Variants in CNTN5 observed in about 807,000 individuals in gnomAD.
CNTN5 encodes contactin-5.
Under a neutral mutation model 129.1 loss-of-function variants are expected in CNTN5, and 77 were observed. The observed-to-expected ratio is 0.60, with a 90% CI of 0.50 to 0.72. CNTN5 has a LOEUF of 0.72. Ranked by LOEUF, CNTN5 falls within the 30% of genes least tolerant of loss-of-function variation. The pLI, the probability that CNTN5 is intolerant of heterozygous loss-of-function variation, is 0.00. For synonymous variants in CNTN5, 509 were observed against 465.6 expected (o/e 1.09, Z -1.20); for missense variants, 1,478 against 1,328.8 (o/e 1.11, Z -1.75).
At chr11:99,137,796 A>G (rs1055317430) in intron 1 of CNTN5, among the ~76,000 whole-genome samples, 4 of 147,810 alleles carry the variant, frequency 2.7e-5, no homozygotes, top group African/African-American at 1.0e-4. Context: ...GAAACTTCAT[A>G]AGTATACATC....
At chr11:100,131,620 A>G (rs994655420) in intron 13 of CNTN5, among the ~76,000 whole-genome samples, 1 of 151,998 alleles carries the variant, frequency 6.6e-6, no homozygotes, top group Non-Finnish European at 1.5e-5. Flanking sequence ...AAGGGAACAA[A>G]GCCCACTGCC....
intron 1 of CNTN5, among the ~76,000 whole-genome samples, chr11:99,225,401 C>T (rs1195572296): frequency 1.3e-5 from 2 of 152,012 alleles, no homozygotes; most frequent in Non-Finnish European, 2.9e-5. Flanking sequence ...TCCTTATTGG[C>T]CTTTTTGTGT....
intron 1 of CNTN5, among the ~76,000 whole-genome samples, chr11:99,144,643 G>A (rs56101043): frequency 0.025 from 3,809 of 151,934 alleles, 59 homozygotes; most frequent in Middle Eastern, 0.044. Context: ...ATCTGACTAC[G>A]TTATTTCAAA....
At chr11:100,091,679 G>A (rs956436349) in intron 13 of CNTN5, among the ~76,000 whole-genome samples, 5 of 151,616 alleles carry the variant, frequency 3.3e-5, no homozygotes, top group Admixed American at 2.0e-4. Context: ...CACCCAACTC[G>A]GTCTACCAAA....
rs111410239 is a variant in CNTN5, at chr11:100,356,019, G to A, written c.3200-98G>A. The A allele has an allele frequency of 1.8e-4, 130 of 731,724 alleles. No individual in the cohort carries two copies. In the African/African-American group the frequency reaches 2.0e-3, roughly 11 times the overall value. 45.3% of individuals were successfully genotyped at this position (731,724 alleles called of 1,614,324 possible). A position where few individuals can be genotyped will look rare whatever the true frequency, so the allele number is the denominator to read the frequency against. On this transcript the variant is annotated intron_variant, in intron 24 of 24. Transcript: ENST00000524871. ...GAACACTCTCATCAGAAACAGGAGC[G>A]ATCTTGCACTCATTAGTCTTACATA...
At chr11:99,798,129 G>A (rs113189691) in intron 3 of CNTN5, among the ~76,000 whole-genome samples, 7 of 152,040 alleles carry the variant, frequency 4.6e-5, no homozygotes, top group African/African-American at 1.7e-4. Context: ...CCGTCTGATA[G>A]GCCCTAGTAT....
At chr11:99,161,213 A>C (rs1202515039) in intron 1 of CNTN5, among the ~76,000 whole-genome samples, 1 of 152,184 alleles carries the variant, frequency 6.6e-6, no homozygotes, top group Non-Finnish European at 1.5e-5. Context: ...GATTATAAAA[A>C]ATCTTGAAAT....
intron 1 of CNTN5, among the ~76,000 whole-genome samples, chr11:99,291,869 A>G (rs149452969): frequency 1.3e-5 from 2 of 151,930 alleles, no homozygotes; most frequent in African/African-American, 4.8e-5. Flanking sequence ...TCATACAAAG[A>G]AAAAAAAGCA....
intron 3 of CNTN5, among the ~76,000 whole-genome samples, chr11:99,743,004 T>A (rs1043548045): frequency 1.3e-5 from 2 of 152,202 alleles, no homozygotes. Context: ...CTCAGCAACA[T>A]GCAACATGCT....
At chr11:99,327,513 A>G (rs554059654) in intron 2 of CNTN5, among the ~76,000 whole-genome samples, 14 of 152,334 alleles carry the variant, frequency 9.2e-5, no homozygotes, top group Middle Eastern at 3.4e-3. Context: ...GGTTTGGCAG[A>G]GCAAAGTGCA....
chr11:100,255,797 A>G lies in CNTN5; in HGVS notation c.2043A>G (p.Glu681=), dbSNP rs763444745. The change falls in exon 17 of 25, where the codon GAA becomes GAG. Residue 681 remains glutamate, a synonymous_variant. Coordinates refer to ENST00000524871, the MANE Select transcript of CNTN5 (RefSeq NM_014361.4). The part of the protein sequence containing the change: ...PGPPGIVIVE[E]ITESTATLSW... ...CACCTGGGATAGTAATTGTTGAGGA[A>G]ATAACCGAAAGTACGGCCACACTGT... The G allele has an allele frequency of 2.5e-6, 4 of 1,613,798 alleles. No individual in the cohort carries two copies. The African/African-American group carries it at 5.3e-5, about 22-fold the overall frequency.
intron 21 of CNTN5, among the ~76,000 whole-genome samples, chr11:100,335,173 T>G (rs1470805449): frequency 6.6e-6 from 1 of 151,944 alleles, no homozygotes; most frequent in East Asian, 1.9e-4. Context: ...CAAAAAAAAT[T>G]TTAACAAGTG....
intron 7 of CNTN5, among the ~76,000 whole-genome samples, chr11:99,930,464 G>A (rs143953701): frequency 4.8e-4 from 73 of 151,998 alleles, no homozygotes; most frequent in Middle Eastern, 3.4e-3. Context: ...CCTTCCCCTC[G>A]TGCCAGTCTT....
chr11:99,475,342 C>A (rs1945330670), intron 2 of CNTN5, among the ~76,000 whole-genome samples: 1 of 152,158 alleles, frequency 6.6e-6, no homozygotes, highest in Admixed American at 6.5e-5. Context: ...AATATCCCAG[C>A]CTCTAGAACT....
At chr11:99,959,594 T>C (rs566128901) in intron 8 of CNTN5, among the ~76,000 whole-genome samples, 41 of 152,328 alleles carry the variant, frequency 2.7e-4, no homozygotes, top group African/African-American at 9.4e-4. Flanking sequence ...ACTAAACTAA[T>C]ACTGTTTTGG....
intron 6 of CNTN5, among the ~76,000 whole-genome samples, chr11:99,851,544 T>A (rs1027727279): frequency 2.0e-5 from 3 of 152,190 alleles, no homozygotes; most frequent in Non-Finnish European, 2.9e-5. Context: ...ACAGTTGGGA[T>A]TTTTAGAAAT....
intron 6 of CNTN5, among the ~76,000 whole-genome samples, chr11:99,854,916 AAGAG>A (rs1278586179): frequency 1.3e-5 from 2 of 152,178 alleles, no homozygotes; most frequent in Admixed American, 6.5e-5. Flanking sequence ...AAGCTAGTGA[AAGAG>A]AGAAGAAAGG....
At chr11:99,035,111 T>C (rs1373415145) in intron 1 of CNTN5, among the ~76,000 whole-genome samples, 1 of 151,262 alleles carries the variant, frequency 6.6e-6, no homozygotes, top group Admixed American at 6.6e-5. Flanking sequence ...GAGTTCTAGT[T>C]TGATTGCACT....
intron 3 of CNTN5, among the ~76,000 whole-genome samples, chr11:99,728,502 AG>A (rs1943426331): frequency 6.6e-6 from 1 of 152,224 alleles, no homozygotes; most frequent in Non-Finnish European, 1.5e-5. Context: ...TAAATTTTTC[AG>A]GGTCTATCTA....
Sources: allele counts gnomAD v4.1 joint callset (sites outside exome capture counted in the v4.1 genomes callset), GRCh38; gene constraint gnomAD v4.1.1; transcripts MANE v1.5; gene names NCBI Gene and HGNC (gene_info 2026-07-23, HGNC 2026-07-21).